ACTL8: variants seen among roughly 807,000 people sequenced by gnomAD.
The protein encoded by ACTL8 is actin-like protein 8.
A neutral mutation model predicts 9.3 loss-of-function variants in ACTL8; 3 were observed. The observed-to-expected ratio is 0.32, with a 90% confidence interval of 0.15 to 0.83. The LOEUF is 0.83. ACTL8 is among the 40% of genes least tolerant of loss of function. The probability of loss-of-function intolerance (pLI) is 0.57; values close to 1 mark genes in which losing one functional copy is unlikely to be tolerated. For missense variants in ACTL8, 381 were observed against 492.2 expected (o/e 0.77, Z 2.14); for synonymous variants, 224 against 205.9 (o/e 1.09, Z -0.75).
intron 1 of ACTL8, among the ~76,000 whole-genome samples, chr1:17,776,830 C>G (rs928104774): frequency 6.6e-6 from 1 of 152,062 alleles, no homozygotes; most frequent in Non-Finnish European, 1.5e-5. Flanking sequence ...GACAGGGTCT[C>G]GCTCTAGCTC....
At chr1:17,793,594 C>G (rs2066257081) in intron 1 of ACTL8, among the ~76,000 whole-genome samples, 1 of 152,122 alleles carries the variant, frequency 6.6e-6, no homozygotes, top group Non-Finnish European at 1.5e-5. Context: ...CACTCTAAAC[C>G]CTTCCCCTAC....
chr1:17,788,169 A>AT (rs2066211981), intron 1 of ACTL8, among the ~76,000 whole-genome samples: 1 of 151,972 alleles, frequency 6.6e-6, no homozygotes, highest in Non-Finnish European at 1.5e-5. Context: ...TGTAGCAGTT[A>AT]TTTTGCCAGA....
intron 1 of ACTL8, among the ~76,000 whole-genome samples, chr1:17,794,950 G>A (rs1355398951): frequency 1.3e-5 from 2 of 152,210 alleles, no homozygotes; most frequent in African/African-American, 2.4e-5. Context: ...GATGACATCT[G>A]CAGAAGGAGG....
intron 1 of ACTL8, among the ~76,000 whole-genome samples, chr1:17,785,804 G>A (rs2066193033): frequency 6.6e-6 from 1 of 152,164 alleles, no homozygotes; most frequent in African/African-American, 2.4e-5. Context: ...AGATTTAGAG[G>A]CTGAAAACAG....
chr1:17,775,306 C>A (rs1314064090), intron 1 of ACTL8, among the ~76,000 whole-genome samples: 1 of 152,296 alleles, frequency 6.6e-6, no homozygotes, highest in African/African-American at 2.4e-5. Context: ...GCCACCCCAT[C>A]CCTCCCCACT....
At chr1:17,779,696 T>A (rs1300245229) in intron 1 of ACTL8, among the ~76,000 whole-genome samples, 1 of 152,140 alleles carries the variant, frequency 6.6e-6, no homozygotes, top group Non-Finnish European at 1.5e-5. Flanking sequence ...ACATGGGGCC[T>A]CCGTGTTTAC....
intron 1 of ACTL8, among the ~76,000 whole-genome samples, chr1:17,821,616 T>C (rs537192496): frequency 6.9e-6 from 1 of 145,146 alleles, no homozygotes; most frequent in African/African-American, 2.5e-5. Context: ...CATGGATCTA[T>C]GTTTGTGACT....
Position 17,767,647 on chromosome 1 carries a change from T to A in ACTL8, c.-25+12143T>A, listed in dbSNP as rs1410506496. ...TTGCTTTTTGGGTATTGACTGTAGA[T>A]CAGTGCTCACCATGTTTATCCTCCA... On this transcript the variant is annotated intron_variant, in intron 1 of 2. Transcript: ENST00000375406. The surrounding 1 kb of genome is among the most constrained non-coding windows in gnomAD (Gnocchi z 4.7). Among the ~76,000 whole-genome samples, 3 of 152,188 alleles carry A rather than the reference T, an allele frequency of 2.0e-5. No homozygotes were observed. The highest frequency in any genetic ancestry group is 7.2e-5 in the African/African-American group (3 of 41,448).
chr1:17,797,825 G>A (rs1478869922), intron 1 of ACTL8, among the ~76,000 whole-genome samples: 1 of 152,196 alleles, frequency 6.6e-6, no homozygotes, highest in Non-Finnish European at 1.5e-5. Flanking sequence ...AAAGCGGTTT[G>A]CACAGGGCCT....
intron 2 of ACTL8, among the ~76,000 whole-genome samples, chr1:17,824,564 G>T (rs939242151): frequency 9.2e-5 from 14 of 152,182 alleles, no homozygotes; most frequent in Non-Finnish European, 1.0e-4. Flanking sequence ...GGTAAAATAC[G>T]TGATGCCTAG....
At chr1:17,765,727 G>A (rs980498189) in intron 1 of ACTL8, among the ~76,000 whole-genome samples, 3 of 152,212 alleles carry the variant, frequency 2.0e-5, no homozygotes, top group African/African-American at 4.8e-5. Flanking sequence ...TCCACTCCCC[G>A]GAATGTGAGG....
chr1:17,807,733 C>G (rs2066368409), intron 1 of ACTL8, among the ~76,000 whole-genome samples: 1 of 152,028 alleles, frequency 6.6e-6, no homozygotes, highest in Non-Finnish European at 1.5e-5. Context: ...TCTCAGCAAA[C>G]TATCACAAGA....
At chr1:17,763,442 A>C (rs2102674249) in intron 1 of ACTL8, among the ~76,000 whole-genome samples, 1 of 151,574 alleles carries the variant, frequency 6.6e-6, no homozygotes, top group Non-Finnish European at 1.5e-5. Context: ...ATAATATGTG[A>C]CCTCCATGGC....
intron 1 of ACTL8, among the ~76,000 whole-genome samples, chr1:17,778,847 A>G (rs181754116): frequency 1.3e-5 from 2 of 152,232 alleles, no homozygotes; most frequent in East Asian, 1.9e-4. Context: ...TCTCCCAGAC[A>G]TGGATTTGGT....
chr1:17,817,763 T>G (rs1207613531), intron 1 of ACTL8, among the ~76,000 whole-genome samples: 2 of 151,820 alleles, frequency 1.3e-5, no homozygotes, highest in African/African-American at 4.8e-5. Flanking sequence ...TGCAGTGGCA[T>G]GATCTCGGCT....
intron 1 of ACTL8, among the ~76,000 whole-genome samples, chr1:17,814,045 G>A (rs988049303): frequency 1.3e-5 from 2 of 151,944 alleles, no homozygotes; most frequent in Admixed American, 6.6e-5. Context: ...TTTAGCTTTT[G>A]GCTTTATTGA....
chr1:17,801,189 A>G (rs756789768), intron 1 of ACTL8, among the ~76,000 whole-genome samples: 5 of 152,226 alleles, frequency 3.3e-5, no homozygotes, highest in Non-Finnish European at 5.9e-5. Flanking sequence ...TGACAGCTCT[A>G]TAGAGCTAGA....
At chr1:17,757,267 C>T (rs1365264301) in intron 1 of ACTL8, among the ~76,000 whole-genome samples, 1 of 70,290 alleles carries the variant, frequency 1.4e-5, no homozygotes, top group Non-Finnish European at 4.1e-5. Flanking sequence ...TAAGGAAGTT[C>T]TTATTTCTTG....
At chr1:17,764,567 C>T (rs948160057) in intron 1 of ACTL8, among the ~76,000 whole-genome samples, 8 of 139,032 alleles carry the variant, frequency 5.8e-5, no homozygotes, top group Non-Finnish European at 1.1e-4. Flanking sequence ...GCAGCCTAAG[C>T]TTCTGGGCAC....
Sources: allele counts gnomAD v4.1 joint callset (sites outside exome capture counted in the v4.1 genomes callset), GRCh38; gene constraint gnomAD v4.1.1; non-coding constraint Gnocchi (gnomAD v3.1); transcripts MANE v1.5; gene names NCBI Gene and HGNC (gene_info 2026-07-23, HGNC 2026-07-21).